P3H2: variants seen among roughly 807,000 people sequenced by gnomAD.
P3H2 encodes the protein prolyl 3-hydroxylase 2.
A neutral mutation model predicts 87.0 loss-of-function variants in P3H2; 80 were observed. That is an observed-to-expected ratio of 0.92 (90% CI 0.77 to 1.11). P3H2 has a LOEUF of 1.11. Among genes scored for constraint, P3H2 ranks in the 50% least tolerant of loss-of-function variants. P3H2 has a pLI of 0.00. For missense variants in P3H2, 1,001 were observed against 923.9 expected (o/e 1.08, Z -1.08); for synonymous variants, 367 against 359.3 (o/e 1.02, Z -0.24).
intron 1 of P3H2, among the ~76,000 whole-genome samples, chr3:190,036,824 C>G (rs1447949): frequency 0.58 from 88,033 of 151,964 alleles, 27,480 homozygotes; most frequent in Admixed American, 0.71. Flanking sequence ...GTAAACCAGG[C>G]AGCAGCCATG....
intron 1 of P3H2, among the ~76,000 whole-genome samples, chr3:190,056,128 A>G (rs919972314): frequency 6.6e-6 from 1 of 152,206 alleles, no homozygotes. Context: ...TGGAAAGTCC[A>G]TGTGAAGGAC....
At chr3:189,994,324 AC>A in intron 2 of P3H2, 41 bp from the exon 3 acceptor site, 1 of 1,512,014 alleles carries the variant, frequency 6.6e-7, no homozygotes, top group African/African-American at 1.4e-5. Flanking sequence ...AAACAAACAA[AC>A]AAACAAACAA....
chr3:190,007,570 A>C (rs1724426525), intron 1 of P3H2, among the ~76,000 whole-genome samples: 1 of 152,164 alleles, frequency 6.6e-6, no homozygotes, highest in Admixed American at 6.5e-5. Flanking sequence ...TTTCCCAGAC[A>C]GAAAGCCAGA....
At chr3:189,965,277 G>T (rs916096585) in intron 13 of P3H2, among the ~76,000 whole-genome samples, 13 of 152,182 alleles carry the variant, frequency 8.5e-5, no homozygotes, top group Non-Finnish European at 1.9e-4. Flanking sequence ...GGTACTCCCG[G>T]ACTACGTGAC....
intron 14 of P3H2, among the ~76,000 whole-genome samples, chr3:189,963,241 C>T (rs1036939284): frequency 1.3e-5 from 2 of 152,160 alleles, no homozygotes; most frequent in Non-Finnish European, 2.9e-5. Context: ...GCTAAGTGTC[C>T]TCAGCTAGTT....
rs759812431 is a variant in P3H2, at chr3:190,067,007, C to CTTTTT, written c.480+53244_480+53245insAAAAA. On this transcript the variant is annotated intron_variant, in intron 1 of 14. Transcript: ENST00000319332. Reference sequence around the variant, plus strand: ...ATGTAGTTTATTCTTTTTTAATTTTCTTTCTTTTTTTTTTTTTTGTAGAGA... The same window carrying CTTTTT: ...ATGTAGTTTATTCTTTTTTAATTTTCTTTTTTTTCTTTTTTTTTTTTTTGTAGAGA... Among the ~76,000 whole-genome samples the CTTTTT allele has an allele frequency of 3.1e-4, 45 of 145,124 alleles. 1 individual carries two copies. The highest frequency in any genetic ancestry group is 7.5e-4 in the African/African-American group (28 of 37,460).
At chr3:189,988,381 G>GTA (rs1286009295) in intron 4 of P3H2, among the ~76,000 whole-genome samples, 1 of 63,856 alleles carries the variant, frequency 1.6e-5, no homozygotes, top group Non-Finnish European at 3.6e-5. Flanking sequence ...ATATACGTAT[G>GTA]TGTGTATATA....
chr3:190,058,952 T>G lies in P3H2; in HGVS notation c.480+61300A>C, dbSNP rs572953665. ...CCTGCTATCCTTTCAGCTTAGTGGA[T>G]TGGGGAAGGAGGGCATTCTTATTAG... On this transcript the variant is annotated intron_variant, in intron 1 of 14. Transcript: ENST00000319332. Among the ~76,000 whole-genome samples, 7 of 152,286 alleles carry G rather than the reference T, an allele frequency of 4.6e-5. No homozygotes were observed. The South Asian group carries it at 1.2e-3, about 27-fold the overall frequency.
chr3:189,965,956 A>G (rs1383365905), intron 13 of P3H2, among the ~76,000 whole-genome samples: 25 of 148,106 alleles, frequency 1.7e-4, no homozygotes, highest in Non-Finnish European at 3.4e-4. Context: ...ACTGCACTCC[A>G]GTCTGGGTGA....
intron 1 of P3H2, among the ~76,000 whole-genome samples, chr3:190,047,759 C>T (rs114523038): frequency 0.01 from 1,585 of 152,184 alleles, 15 homozygotes; most frequent in Non-Finnish European, 0.014. Flanking sequence ...TCTCTGATGG[C>T]TACCAGAGGC....
intron 1 of P3H2, among the ~76,000 whole-genome samples, chr3:190,061,130 T>C (rs1214649347): frequency 6.6e-6 from 1 of 152,230 alleles, no homozygotes; most frequent in South Asian, 2.1e-4. Flanking sequence ...CAAAGTAAGA[T>C]TGAACTGGAA....
At chr3:190,036,817 A>T (rs1725439593) in intron 1 of P3H2, among the ~76,000 whole-genome samples, 1 of 152,126 alleles carries the variant, frequency 6.6e-6, no homozygotes, top group African/African-American at 2.4e-5. Flanking sequence ...CTGTGATGTA[A>T]ACCAGGCAGC....
At chr3:190,016,495 C>T (rs1724758150) in intron 1 of P3H2, among the ~76,000 whole-genome samples, 1 of 152,130 alleles carries the variant, frequency 6.6e-6, no homozygotes, top group Non-Finnish European at 1.5e-5. Context: ...CCACCCGCCT[C>T]GGCCTCCCAA....
At chr3:190,047,869 A>C (rs1018410173) in intron 1 of P3H2, among the ~76,000 whole-genome samples, 2 of 152,246 alleles carry the variant, frequency 1.3e-5, no homozygotes, top group Non-Finnish European at 2.9e-5. Flanking sequence ...GGAATAGCAC[A>C]GTAGGGAGAC....
intron 1 of P3H2, among the ~76,000 whole-genome samples, chr3:190,079,147 C>T (rs1251799637): frequency 6.6e-6 from 1 of 151,922 alleles, no homozygotes; most frequent in Admixed American, 6.6e-5. Flanking sequence ...TCAAGACCAG[C>T]CTGGCCAACA....
intron 1 of P3H2, among the ~76,000 whole-genome samples, chr3:190,065,903 T>C (rs1176683212): frequency 2.6e-5 from 4 of 152,104 alleles, no homozygotes; most frequent in Non-Finnish European, 5.9e-5. Context: ...ATAGCTTGTG[T>C]CACTATTGTC....
At chr3:190,031,006 A>AT (rs1160844849) in intron 1 of P3H2, among the ~76,000 whole-genome samples, 2 of 152,320 alleles carry the variant, frequency 1.3e-5, no homozygotes, top group Non-Finnish European at 1.5e-5. Flanking sequence ...CAAGTTATAT[A>AT]TTTTTTTAAA....
intron 6 of P3H2, 116 bp downstream of exon 6, chr3:189,986,671 AG>A: frequency 1.3e-6 from 1 of 753,862 alleles, no homozygotes; most frequent in Non-Finnish European, 2.4e-6. Context: ...TACCTCAAGG[AG>A]GGCATCGAAA....
At chr3:190,030,639 G>A (rs1725223646) in intron 1 of P3H2, among the ~76,000 whole-genome samples, 1 of 152,004 alleles carries the variant, frequency 6.6e-6, no homozygotes, top group African/African-American at 2.4e-5. Context: ...ATGTTTGAAT[G>A]GAAAAATGAA....
Sources: gnomAD v4.1 joint callset for allele counts (sites outside exome capture counted in the v4.1 genomes callset) on GRCh38, gnomAD v4.1.1 for gene constraint, MANE v1.5 for transcripts, NCBI Gene and HGNC (gene_info 2026-07-23, HGNC 2026-07-21) for gene names.